The following FGF14 variants were observed in gnomAD, a reference collection of about 807,000 sequenced individuals.
FGF14 encodes fibroblast growth factor 14.
Under a neutral mutation model 25.5 loss-of-function variants are expected in FGF14, and 5 were observed. The ratio of observed to expected loss-of-function variants is 0.20; its 90% CI spans 0.10 to 0.41. The LOEUF is 0.41. Ranked by LOEUF, FGF14 falls within the 10% of genes least tolerant of loss-of-function variation. The pLI is 1.00. For missense variants in FGF14, 222 were observed against 320.1 expected (o/e 0.69, Z 2.34); for synonymous variants, 138 against 118.3 (o/e 1.17, Z -1.08).
chr13:102,352,242 T>TACACACACACAC (rs56774921), intron 1 of FGF14, among the ~76,000 whole-genome samples: 1 of 137,284 alleles, frequency 7.3e-6, no homozygotes. Context: ...TGTACCTTTA[T>TACACACACACAC]ACACACACAC....
At chr13:102,268,776 C>T (rs2053114682) in intron 1 of FGF14, among the ~76,000 whole-genome samples, 3 of 152,030 alleles carry the variant, frequency 2.0e-5, no homozygotes, top group Admixed American at 6.6e-5. Flanking sequence ...GAGGGGAAAA[C>T]ATGTTATATT....
chr13:102,277,080 G>C lies in FGF14; in HGVS notation c.208+124391C>G, dbSNP rs75217164. On this transcript the variant is annotated intron_variant, in intron 1 of 4. Coordinates refer to the FGF14 transcript ENST00000376131. The stretch of plus-strand genomic sequence containing the variant: ...CCTTTATCTGTTCAAATATTTTGTA[G>C]ATTAATTTTATCAACTGCCACATTA... Among the ~76,000 whole-genome samples, 285 of 152,252 alleles carry C rather than the reference G, an allele frequency of 1.9e-3. 3 individuals are homozygous for C. The highest frequency in any genetic ancestry group is 0.016 in the South Asian group (76 of 4,820).
intron 1 of FGF14, among the ~76,000 whole-genome samples, chr13:101,936,110 C>T (rs1265429482): frequency 1.3e-5 from 2 of 152,124 alleles, no homozygotes; most frequent in African/African-American, 4.8e-5. Context: ...TTATTTAATC[C>T]TTGAGACAAT....
At chr13:102,211,969 C>T (rs775725760) in intron 1 of FGF14, among the ~76,000 whole-genome samples, 2 of 152,154 alleles carry the variant, frequency 1.3e-5, no homozygotes, top group Non-Finnish European at 2.9e-5. Flanking sequence ...TTAAGTCAAG[C>T]TCCCTGAGTT....
intron 1 of FGF14, among the ~76,000 whole-genome samples, chr13:102,397,822 T>C (rs980121099): frequency 1.3e-5 from 2 of 152,222 alleles, no homozygotes; most frequent in African/African-American, 4.8e-5. Context: ...CAATCCAAAC[T>C]ATCATACTGG....
intron 1 of FGF14, among the ~76,000 whole-genome samples, chr13:101,910,121 AT>A (rs963431137): frequency 1.8e-4 from 27 of 152,212 alleles, no homozygotes; most frequent in African/African-American, 6.5e-4. Context: ...GAGGGATAGC[AT>A]TAGGAGATAT....
intron 3 of FGF14, among the ~76,000 whole-genome samples, chr13:101,812,428 T>C (rs1241217488): frequency 6.6e-6 from 1 of 151,576 alleles, no homozygotes; most frequent in Non-Finnish European, 1.5e-5. Flanking sequence ...AAGCAGCAAA[T>C]GACAGTGATA....
chr13:102,347,158 G>A (rs1271123290), intron 1 of FGF14, among the ~76,000 whole-genome samples: 1 of 152,102 alleles, frequency 6.6e-6, no homozygotes, highest in Admixed American at 6.5e-5. Flanking sequence ...GTTCGTTAGT[G>A]TTATTCCAGA....
chr13:101,863,156 C>T (rs1263057162), intron 3 of FGF14, among the ~76,000 whole-genome samples: 1 of 152,058 alleles, frequency 6.6e-6, no homozygotes, highest in Non-Finnish European at 1.5e-5. Flanking sequence ...ATAATCATCT[C>T]AAGTTTAATA....
chr13:101,794,110 A>G (rs1271965855), intron 3 of FGF14, among the ~76,000 whole-genome samples: 1 of 151,848 alleles, frequency 6.6e-6, no homozygotes, highest in African/African-American at 2.4e-5. Context: ...CTTCTGACTC[A>G]ATTTCTTTTT....
chr13:101,896,396 T>G lies in FGF14; in HGVS notation c.193+20057A>C, dbSNP rs151055073. On this transcript the variant is annotated intron_variant, in intron 1 of 4. Coordinates refer to ENST00000376143, the MANE Select transcript of FGF14 (RefSeq NM_004115.4). ...CCCCCCACTCTGTACATTTCACCTCTCACCTACCATCACTCCCTGGCTATT... is the reference window on the plus strand; with the variant it reads ...CCCCCCACTCTGTACATTTCACCTCGCACCTACCATCACTCCCTGGCTATT... 3.3e-3 allele frequency among the ~76,000 whole-genome samples: 505 copies of G among 152,158 alleles called. 6 individuals are homozygous for G. Among genetic ancestry groups the G allele is most frequent in the African/African-American group, 0.012 (481 of 41,522 alleles).
chr13:102,253,018 C>T (rs1042917393), intron 1 of FGF14, among the ~76,000 whole-genome samples: 1 of 152,184 alleles, frequency 6.6e-6, no homozygotes, highest in Non-Finnish European at 1.5e-5. Flanking sequence ...TTTATGGCTG[C>T]ATAGTATTCC....
At chr13:102,027,066 C>T (rs1269639419) in intron 1 of FGF14, among the ~76,000 whole-genome samples, 1 of 151,910 alleles carries the variant, frequency 6.6e-6, no homozygotes, top group Admixed American at 6.6e-5. Flanking sequence ...GTTTAATGTT[C>T]AGGCCAGGCT....
chr13:101,847,428 A>T (rs78543679), intron 3 of FGF14, among the ~76,000 whole-genome samples: 8,673 of 152,186 alleles, frequency 0.057, 377 homozygotes, highest in African/African-American at 0.11. Context: ...TAGCTCTTTT[A>T]TCTCTGAATC....
At chr13:101,974,073 A>G (rs2476236) in intron 1 of FGF14, among the ~76,000 whole-genome samples, 76,769 of 152,052 alleles carry the variant, frequency 0.5, 20,677 homozygotes, top group East Asian at 0.71. Context: ...TAAATTATGC[A>G]TCCTATTTGT....
chr13:102,289,283 T>C (rs1384960357), intron 1 of FGF14, among the ~76,000 whole-genome samples: 1 of 152,224 alleles, frequency 6.6e-6, no homozygotes, highest in African/African-American at 2.4e-5. Context: ...CATACATTGA[T>C]ACACCATTCA....
intron 1 of FGF14, among the ~76,000 whole-genome samples, chr13:101,890,434 C>G (rs11843292): frequency 0.013 from 2,007 of 152,216 alleles, 46 homozygotes; most frequent in African/African-American, 0.045. Context: ...CTGCAGTGTG[C>G]CAGGGAGAAC....
At chr13:102,158,175 T>C (rs2047438709) in intron 1 of FGF14, among the ~76,000 whole-genome samples, 2 of 152,208 alleles carry the variant, frequency 1.3e-5, no homozygotes, top group South Asian at 2.1e-4. Flanking sequence ...ACTGGGTATA[T>C]ACCCAAAGGA....
At chr13:101,765,276 A>C (rs1182761927) in intron 3 of FGF14, among the ~76,000 whole-genome samples, 2 of 152,174 alleles carry the variant, frequency 1.3e-5, no homozygotes, top group Non-Finnish European at 2.9e-5. Flanking sequence ...CTACTAAAAA[A>C]CTCACACATA....
Sources: gnomAD v4.1 joint callset for allele counts (sites outside exome capture counted in the v4.1 genomes callset) on GRCh38, gnomAD v4.1.1 for gene constraint, MANE v1.5 for transcripts, NCBI Gene and HGNC (gene_info 2026-07-23, HGNC 2026-07-21) for gene names.